Variants in ARHGEF12 observed in about 807,000 individuals in gnomAD.
ARHGEF12 encodes KMT2A/ARHGEF12 fusion protein.
ARHGEF12 carries 66 observed loss-of-function variants against 211.2 expected under a neutral mutation model. The observed-to-expected ratio is 0.31, with a 90% confidence interval of 0.26 to 0.38. The LOEUF is 0.38. ARHGEF12 is among the 10% of genes least tolerant of loss of function. The pLI is 1.00. For missense variants in ARHGEF12, 1,429 were observed against 1,869.5 expected (o/e 0.76, Z 4.34); for synonymous variants, 592 against 638.4 (o/e 0.93, Z 1.09).
At chr11:120,383,550 G>A (rs1375159234) in intron 1 of ARHGEF12, among the ~76,000 whole-genome samples, 3 of 152,092 alleles carry the variant, frequency 2.0e-5, no homozygotes, top group African/African-American at 7.2e-5. Context: ...AGATCATCAA[G>A]CATTAGATTT....
intron 32 of ARHGEF12, 53 bp downstream of exon 32, chr11:120,474,688 T>C (rs1184573679): frequency 2.8e-6 from 4 of 1,421,656 alleles, no homozygotes; most frequent in Non-Finnish European, 2.9e-6. Flanking sequence ...AGGGAAGGAA[T>C]AGGAAAGTTT....
chr11:120,354,685 G>T (rs762918240), intron 1 of ARHGEF12, among the ~76,000 whole-genome samples: 1 of 152,064 alleles, frequency 6.6e-6, no homozygotes, highest in Non-Finnish European at 1.5e-5. Flanking sequence ...TAGAAGAGAG[G>T]TAGGCAGATC....
At chr11:120,478,541 C>A in intron 37 of ARHGEF12, 152 bp downstream of exon 37, 5 of 727,852 alleles carry the variant, frequency 6.9e-6, no homozygotes, top group Non-Finnish European at 1.1e-5. Context: ...GCCACAGGCA[C>A]ACACACACAT....
At chr11:120,361,853 G>GGCAT (rs1346471422) in intron 1 of ARHGEF12, among the ~76,000 whole-genome samples, 1 of 152,162 alleles carries the variant, frequency 6.6e-6, no homozygotes, top group Non-Finnish European at 1.5e-5. Flanking sequence ...GCCTGTCTCA[G>GGCAT]GCATGCACAT....
At chr11:120,409,708 A>G (rs939207224) in intron 4 of ARHGEF12, 6 of 353,022 alleles carry the variant, frequency 1.7e-5, no homozygotes, top group Non-Finnish European at 2.6e-5. Flanking sequence ...CGTCTTGTTT[A>G]TGGTAGGAAG....
chr11:120,456,982 C>A, intron 22 of ARHGEF12, 136 bp from the exon 23 acceptor site: 1 of 709,198 alleles, frequency 1.4e-6, no homozygotes, highest in East Asian at 2.9e-5. Context: ...ATTTTTAGTT[C>A]TAGTGAACCT....
chr11:120,342,880 A>G (rs982490936), intron 1 of ARHGEF12, among the ~76,000 whole-genome samples: 1 of 152,210 alleles, frequency 6.6e-6, no homozygotes, highest in Non-Finnish European at 1.5e-5. Context: ...TTGATGGAAA[A>G]TCATCTTGTT....
intron 15 of ARHGEF12, among the ~76,000 whole-genome samples, chr11:120,444,014 A>G (rs1945965567): frequency 6.6e-6 from 1 of 152,146 alleles, no homozygotes; most frequent in South Asian, 2.1e-4. Context: ...CCATGTGGAT[A>G]TCAAGGGATG....
At chr11:120,346,691 A>G (rs1942736678) in intron 1 of ARHGEF12, among the ~76,000 whole-genome samples, 1 of 152,236 alleles carries the variant, frequency 6.6e-6, no homozygotes, top group Admixed American at 6.5e-5. Context: ...TTTGGAGTCT[A>G]TGAAAGTTTC....
chr11:120,440,112 T>A lies in ARHGEF12; in HGVS notation c.1000-17T>A, dbSNP rs1945826188. The A allele has an allele frequency of 6.3e-7, 1 of 1,586,216 alleles. No individual in the cohort carries two copies. The highest frequency in any genetic ancestry group is 1.8e-5 in the Admixed American group (1 of 56,764). On this transcript the variant is annotated splice_polypyrimidine_tract_variant and intron_variant, in intron 12 of 40. Coordinates refer to ENST00000397843, the MANE Select transcript of ARHGEF12 (RefSeq NM_015313.3). ...CACCAGGTAATTTTTCTGTTTCTTT[T>A]CCCTGAATGTTGCCAGGACACTCAA...
intron 10 of ARHGEF12, among the ~76,000 whole-genome samples, chr11:120,431,217 G>T (rs1010674315): frequency 9.2e-5 from 14 of 152,178 alleles, no homozygotes; most frequent in Non-Finnish European, 1.6e-4. Context: ...TTGAACCATG[G>T]AGGCGGAGGT....
At chr11:120,354,095 A>T (rs1174540279) in intron 1 of ARHGEF12, among the ~76,000 whole-genome samples, 2 of 152,038 alleles carry the variant, frequency 1.3e-5, no homozygotes, top group Non-Finnish European at 2.9e-5. Flanking sequence ...GTGGGAGGAG[A>T]AGATAGGAGA....
chr11:120,415,840 T>TGA (rs2135631443), intron 4 of ARHGEF12, among the ~76,000 whole-genome samples: 1 of 152,344 alleles, frequency 6.6e-6, no homozygotes, highest in South Asian at 2.1e-4. Context: ...TGTGTAACAC[T>TGA]TTTTATATTG....
intron 1 of ARHGEF12, among the ~76,000 whole-genome samples, chr11:120,355,779 T>G (rs1204550622): frequency 6.6e-6 from 1 of 152,182 alleles, no homozygotes; most frequent in Non-Finnish European, 1.5e-5. Flanking sequence ...TGTACCCAAT[T>G]TTATGTTACT....
At position 120,346,047 on chromosome 11, in the gene ARHGEF12, T is replaced by TA. The variant is rs555040611; in HGVS notation, c.32+8780dup. Reference sequence around the variant, plus strand: ...AAAATTCAAATCATATAAAATGGTATAAAAAAAAGTATTCCTACACACCTG... The same window carrying TA: ...AAAATTCAAATCATATAAAATGGTATAAAAAAAAAGTATTCCTACACACCTG... On this transcript the variant is annotated intron_variant, in intron 1 of 40. Transcript: ENST00000397843. Among the ~76,000 whole-genome samples the TA allele has an allele frequency of 3.6e-3, 550 of 152,060 alleles. 3 individuals are homozygous for TA. Among genetic ancestry groups the TA allele is most frequent in the African/African-American group, 0.013 (525 of 41,498 alleles).
rs546598021 is a variant in ARHGEF12 at position 120,412,929 on chromosome 11, G to A, written c.199+3479G>A. On this transcript the variant is annotated intron_variant, in intron 4 of 40. Transcript: ENST00000397843. ...AATATTTTTCATCCTTCACTCTTTG[G>A]TTTCAACCCCACTGCCTTGTCCATC... is the stretch of plus-strand genomic sequence containing the variant. Among the ~76,000 whole-genome samples the A allele has an allele frequency of 3.3e-5, 5 of 152,126 alleles. No homozygotes were observed. In the South Asian group the frequency reaches 6.2e-4, roughly 19 times the overall value.
intron 33 of ARHGEF12, chr11:120,476,261 AGGGTTTCGC>A (rs1947025621): frequency 6.4e-6 from 1 of 156,840 alleles, no homozygotes; most frequent in African/African-American, 2.4e-5. Flanking sequence ...ATGTAGAGGC[AGGGTTTCGC>A]CATGCTGCCC....
chr11:120,447,448 G>T (rs985210121), intron 18 of ARHGEF12, among the ~76,000 whole-genome samples: 2 of 152,094 alleles, frequency 1.3e-5, no homozygotes, highest in African/African-American at 4.8e-5. Flanking sequence ...GGGGATCAGG[G>T]TTCTTTTGGT....
intron 1 of ARHGEF12, among the ~76,000 whole-genome samples, chr11:120,394,928 G>T (rs145302043): frequency 8.5e-4 from 128 of 151,472 alleles, no homozygotes; most frequent in African/African-American, 3.0e-3. Flanking sequence ...ATTGTGGCGC[G>T]AACCTGTAAT....
Sources: allele counts gnomAD v4.1 joint callset (sites outside exome capture counted in the v4.1 genomes callset), GRCh38; gene constraint gnomAD v4.1.1; transcripts MANE v1.5; gene names NCBI Gene and HGNC (gene_info 2026-07-23, HGNC 2026-07-21).